The following NRXN3 variants were observed in gnomAD, a reference collection of about 807,000 sequenced individuals.
The protein encoded by NRXN3 is neurexin 3.
NRXN3 carries 32 observed loss-of-function variants against 137.6 expected under a neutral mutation model. That is an observed-to-expected ratio of 0.23 (90% CI 0.18 to 0.31). The LOEUF is 0.31. Among genes scored for constraint, NRXN3 ranks in the 10% least tolerant of loss-of-function variants. NRXN3 has a pLI of 1.00. For missense variants in NRXN3, 1,574 were observed against 2,062.5 expected (o/e 0.76, Z 4.59); for synonymous variants, 798 against 784.5 (o/e 1.02, Z -0.29).
chr14:79,624,272 T>C (rs2098257554), intron 16 of NRXN3, among the ~76,000 whole-genome samples: 1 of 152,200 alleles, frequency 6.6e-6, no homozygotes, highest in African/African-American at 2.4e-5. Context: ...ATATTATCAG[T>C]TCCATTTTCA....
chr14:79,463,986 A>T (rs1377316184), intron 15 of NRXN3, among the ~76,000 whole-genome samples: 3 of 152,210 alleles, frequency 2.0e-5, no homozygotes, highest in African/African-American at 7.2e-5. Context: ...TGTTTCCTGT[A>T]GGACTCTAGG....
intron 10 of NRXN3, among the ~76,000 whole-genome samples, chr14:78,845,680 C>T (rs1299147029): frequency 6.6e-6 from 1 of 151,992 alleles, no homozygotes; most frequent in Non-Finnish European, 1.5e-5. Context: ...CAGGTATCTT[C>T]CAACTCTAAT....
chr14:79,086,487 T>G (rs2048127951), intron 15 of NRXN3, among the ~76,000 whole-genome samples: 1 of 152,126 alleles, frequency 6.6e-6, no homozygotes, highest in African/African-American at 2.4e-5. Flanking sequence ...TAGAGTAATA[T>G]CCAATCTTGA....
chr14:79,604,556 T>C (rs990137062), intron 16 of NRXN3, among the ~76,000 whole-genome samples: 5 of 151,414 alleles, frequency 3.3e-5, no homozygotes, highest in African/African-American at 7.3e-5. Flanking sequence ...TTAATCCTTC[T>C]ACTTTACTCA....
intron 1 of NRXN3, among the ~76,000 whole-genome samples, chr14:78,189,343 T>C (rs1477324572): frequency 6.6e-6 from 1 of 152,148 alleles, no homozygotes; most frequent in African/African-American, 2.4e-5. Flanking sequence ...GGTCAGATCA[T>C]GTTATTCTGC....
intron 1 of NRXN3, among the ~76,000 whole-genome samples, chr14:78,224,867 C>T (rs980649401): frequency 4.4e-4 from 63 of 144,374 alleles, no homozygotes; most frequent in African/African-American, 1.3e-3. Flanking sequence ...CCCAGGTTCA[C>T]GCCATTCTCC....
intron 15 of NRXN3, among the ~76,000 whole-genome samples, chr14:79,203,229 G>A (rs2153220194): frequency 6.6e-6 from 1 of 152,210 alleles, no homozygotes; most frequent in South Asian, 2.1e-4. Flanking sequence ...TGTTTCTTCA[G>A]GATTAATATT....
chr14:79,623,435 C>G (rs913437628), intron 16 of NRXN3, among the ~76,000 whole-genome samples: 1 of 152,206 alleles, frequency 6.6e-6, no homozygotes, highest in African/African-American at 2.4e-5. Context: ...GCTGTAGACA[C>G]TTCGTTTATC....
intron 15 of NRXN3, among the ~76,000 whole-genome samples, chr14:79,442,005 G>A (rs2095971482): frequency 6.6e-6 from 1 of 152,050 alleles, no homozygotes; most frequent in African/African-American, 2.4e-5. Context: ...CATTCTAGGT[G>A]AGTATAGGAA....
intron 10 of NRXN3, among the ~76,000 whole-genome samples, chr14:78,870,363 T>C (rs939716016): frequency 3.9e-5 from 6 of 152,194 alleles, no homozygotes; most frequent in Non-Finnish European, 7.4e-5. Flanking sequence ...TTGTAATCTA[T>C]AAGTTTTTTA....
At chr14:78,571,155 A>G (rs2096885914) in intron 4 of NRXN3, among the ~76,000 whole-genome samples, 1 of 152,150 alleles carries the variant, frequency 6.6e-6, no homozygotes, top group Admixed American at 6.5e-5. Context: ...ATTTCACCCA[A>G]TCAATAATGC....
chr14:79,441,036 C>A (rs2095932613), intron 15 of NRXN3, among the ~76,000 whole-genome samples: 1 of 152,112 alleles, frequency 6.6e-6, no homozygotes, highest in South Asian at 2.1e-4. Flanking sequence ...GATAATTGAC[C>A]AATGTGGCAA....
chr14:78,745,284 C>T (rs991137748), intron 8 of NRXN3: 9 of 152,284 alleles, frequency 5.9e-5, no homozygotes, highest in African/African-American at 2.2e-4. Flanking sequence ...TGGTCAATAG[C>T]ACCAGAATTC....
intron 16 of NRXN3, among the ~76,000 whole-genome samples, chr14:79,624,787 T>G (rs1338755572): frequency 7.2e-6 from 1 of 139,454 alleles, no homozygotes; most frequent in East Asian, 2.0e-4. Context: ...TCTCTTTCTT[T>G]CCCGTTTTTT....
At chr14:79,523,999 T>A (rs1469445414) in intron 16 of NRXN3, among the ~76,000 whole-genome samples, 4 of 152,208 alleles carry the variant, frequency 2.6e-5, no homozygotes, top group African/African-American at 9.6e-5. Context: ...ATATTACTGA[T>A]ACTGAGACTG....
chr14:79,298,384 A>G (rs1230994112), intron 15 of NRXN3, among the ~76,000 whole-genome samples: 1 of 152,080 alleles, frequency 6.6e-6, no homozygotes, highest in African/African-American at 2.4e-5. Context: ...TTATTTTTCA[A>G]TTAGTGCCAA....
chr14:78,889,863 C>G (rs1296872109), intron 10 of NRXN3, among the ~76,000 whole-genome samples: 1 of 152,008 alleles, frequency 6.6e-6, no homozygotes, highest in Non-Finnish European at 1.5e-5. Context: ...AGTTAATAAT[C>G]TTGTGATGAG....
intron 8 of NRXN3, among the ~76,000 whole-genome samples, chr14:78,756,067 G>A (rs1271150281): frequency 2.0e-5 from 3 of 152,164 alleles, no homozygotes; most frequent in East Asian, 1.9e-4. Flanking sequence ...AATACCATTA[G>A]GGTAGTCTCT....
intron 4 of NRXN3, among the ~76,000 whole-genome samples, chr14:78,411,839 A>C (rs548344917): frequency 6.6e-6 from 1 of 152,320 alleles, no homozygotes; most frequent in Admixed American, 6.5e-5. Flanking sequence ...TTACTTACAG[A>C]AGGGATTATC....
Sources: gnomAD v4.1 joint callset for allele counts (sites outside exome capture counted in the v4.1 genomes callset) on GRCh38, gnomAD v4.1.1 for gene constraint, MANE v1.5 for transcripts, NCBI Gene and HGNC (gene_info 2026-07-23, HGNC 2026-07-21) for gene names.